RPSA2: variants seen among roughly 807,000 people sequenced by gnomAD.
The protein encoded by RPSA2 is small ribosomal subunit protein uS2B.
chr19:23,793,922 A>C, the RPSA2 span, among the ~76,000 whole-genome samples: 23 of 152,028 alleles, frequency 1.5e-4, no homozygotes. Context: ...ATGCACCACT[A>C]AACCTAGCTA....
the RPSA2 span, chr19:23,758,671 G>C: frequency 6.2e-7 from 1 of 1,611,738 alleles, no homozygotes; most frequent in Non-Finnish European, 8.5e-7. Flanking sequence ...GCAAATTGTG[G>C]AGCTGACTGC....
chr19:23,769,780 G>A, the RPSA2 span, among the ~76,000 whole-genome samples: 1 of 152,268 alleles, frequency 6.6e-6, no homozygotes, highest in East Asian at 1.9e-4. Flanking sequence ...CAAGAACCTA[G>A]ATGAGGTGAC....
chr19:23,817,307 G>A, the RPSA2 span, among the ~76,000 whole-genome samples: 4 of 152,292 alleles, frequency 2.6e-5, no homozygotes, highest in African/African-American at 4.8e-5. Context: ...GCCTGAACCC[G>A]GGAGGGAGAG....
chr19:23,826,689 A>G, the RPSA2 span, among the ~76,000 whole-genome samples: 2 of 151,698 alleles, frequency 1.3e-5, no homozygotes, highest in Non-Finnish European at 2.9e-5. Context: ...ATTCCAGAAT[A>G]TATATATATA....
At chr19:23,826,031 C>A in the RPSA2 span, among the ~76,000 whole-genome samples, 206 of 143,218 alleles carry the variant, frequency 1.4e-3, no homozygotes, top group South Asian at 1.8e-3. Flanking sequence ...TATTTCTTGT[C>A]AAAAAAAAAC....
the RPSA2 span, among the ~76,000 whole-genome samples, chr19:23,789,935 T>G: frequency 3.3e-5 from 5 of 152,124 alleles, no homozygotes; most frequent in Non-Finnish European, 7.3e-5. Context: ...GCCTCAGGCT[T>G]GGAAAGTGCT....
the RPSA2 span, among the ~76,000 whole-genome samples, chr19:23,844,381 C>A: frequency 6.6e-6 from 1 of 152,064 alleles, no homozygotes; most frequent in African/African-American, 2.4e-5. Flanking sequence ...ACATAATAAA[C>A]TATTTTTTTG....
chr19:23,777,424 C>T, the RPSA2 span, among the ~76,000 whole-genome samples: 1 of 152,290 alleles, frequency 6.6e-6, no homozygotes, highest in East Asian at 1.9e-4. Flanking sequence ...ATGCCTGGGC[C>T]TTGATGAAAC....
At chr19:23,819,898 A>G in the RPSA2 span, among the ~76,000 whole-genome samples, 1 of 152,100 alleles carries the variant, frequency 6.6e-6, no homozygotes, top group Non-Finnish European at 1.5e-5. Flanking sequence ...CTTTATTTTC[A>G]ATAACTGTGT....
the RPSA2 span, among the ~76,000 whole-genome samples, chr19:23,792,591 G>GTTTTTTTTT: frequency 6.9e-6 from 1 of 144,238 alleles, no homozygotes. Context: ...TTTTGTTTTT[G>GTTTTTTTTT]TTTTTTTTTT....
the RPSA2 span, among the ~76,000 whole-genome samples, chr19:23,781,274 G>A: frequency 6.6e-6 from 1 of 150,576 alleles, no homozygotes. Flanking sequence ...GCGTGGCCTC[G>A]GGTTAGTGAC....
the RPSA2 span, among the ~76,000 whole-genome samples, chr19:23,822,157 C>T: frequency 1.2e-4 from 19 of 152,328 alleles, no homozygotes; most frequent in South Asian, 1.0e-3. Flanking sequence ...TGGAGTACTT[C>T]AGAGACCTTC....
the RPSA2 span, among the ~76,000 whole-genome samples, chr19:23,771,558 T>G: frequency 6.6e-6 from 1 of 152,186 alleles, no homozygotes; most frequent in Non-Finnish European, 1.5e-5. Flanking sequence ...GTGATTTGAC[T>G]CTCCTGCCTG....
the RPSA2 span, among the ~76,000 whole-genome samples, chr19:23,808,102 C>T: frequency 2.6e-5 from 4 of 152,158 alleles, no homozygotes; most frequent in African/African-American, 7.2e-5. Flanking sequence ...TTCATCTTGA[C>T]CTGAACTTTC....
chr19:23,834,098 C>A, the RPSA2 span, among the ~76,000 whole-genome samples: 2 of 151,872 alleles, frequency 1.3e-5, no homozygotes, highest in Non-Finnish European at 2.9e-5. Flanking sequence ...GTAGAAATAT[C>A]TAGGGCCACT....
the RPSA2 span, among the ~76,000 whole-genome samples, chr19:23,793,128 G>T: frequency 6.6e-6 from 1 of 151,344 alleles, no homozygotes; most frequent in African/African-American, 2.4e-5. Context: ...TGAGTAAAAA[G>T]AAAAAGTACA....
At chr19:23,823,353 G>A in the RPSA2 span, among the ~76,000 whole-genome samples, 1 of 152,058 alleles carries the variant, frequency 6.6e-6, no homozygotes, top group African/African-American at 2.4e-5. Context: ...TAGCTTTGGA[G>A]TTTGTTAATC....
the RPSA2 span, among the ~76,000 whole-genome samples, chr19:23,768,170 ATATGTTTTATTTGTTAAATT>A: frequency 0.98 from 148,720 of 152,054 alleles, 72,822 homozygotes; most frequent in Middle Eastern, 1. Flanking sequence ...AAATCTAGTG[ATATGTTTTATTTGTTAAATT>A]TATGTTTTTT....
chr19:23,781,195 G>T, the RPSA2 span, among the ~76,000 whole-genome samples: 1 of 152,240 alleles, frequency 6.6e-6, no homozygotes, highest in African/African-American at 2.4e-5. Context: ...GACTGGTCTC[G>T]AACTCCTGAC....
Sources: allele counts gnomAD v4.1 joint callset (sites outside exome capture counted in the v4.1 genomes callset), GRCh38; gene constraint gnomAD v4.1.1; transcripts MANE v1.5; gene names NCBI Gene and HGNC (gene_info 2026-07-23, HGNC 2026-07-21).